Variants in PCDHA3 observed in about 807,000 individuals in gnomAD.
PCDHA3 encodes protocadherin alpha 3.
A neutral mutation model predicts 62.2 loss-of-function variants in PCDHA3; 41 were observed. The ratio of observed to expected loss-of-function variants is 0.66; its 90% CI spans 0.51 to 0.86. The LOEUF is 0.86. Among genes scored for constraint, PCDHA3 ranks in the 40% least tolerant of loss-of-function variants. The probability of loss-of-function intolerance (pLI) is 0.00; values close to 1 mark genes in which losing one functional copy is unlikely to be tolerated. For missense variants in PCDHA3, 1,304 were observed against 1,241.2 expected, an observed-to-expected ratio of 1.05 and a Z score of -0.76; for synonymous variants, 640 against 555.4, an observed-to-expected ratio of 1.15 and a Z score of -2.14.
At position 140,857,876 on chromosome 5, in the gene PCDHA3, T is replaced by C. The variant is rs2044975773; in HGVS notation, c.2394+54285T>C. ...ATACAACGCGTGGCTGTCGTATGAATTGCAGTCGGCGGCGGTTGGTGCACG... is the reference window on the plus strand; with the variant it reads ...ATACAACGCGTGGCTGTCGTATGAACTGCAGTCGGCGGCGGTTGGTGCACG... On this transcript the variant is annotated intron_variant, in intron 1 of 3. Coordinates refer to ENST00000522353, the MANE Select transcript of PCDHA3 (RefSeq NM_018906.3). 3.1e-6 allele frequency: 5 copies of C among 1,597,774 alleles called. 1 individual carries two copies. Among genetic ancestry groups the C allele is most frequent in the East Asian group, 2.2e-5 (1 of 44,820 alleles).
intron 1 of PCDHA3, among the ~76,000 whole-genome samples, chr5:140,945,624 C>T (rs1248945489): frequency 6.6e-6 from 1 of 152,028 alleles, no homozygotes; most frequent in African/African-American, 2.4e-5. Flanking sequence ...ATGGTACTGG[C>T]ATAAAAGACA....
chr5:140,882,539 G>C (rs1303287274), intron 1 of PCDHA3: 2 of 1,614,110 alleles, frequency 1.2e-6, no homozygotes. Context: ...TTCTCGGATC[G>C]ACCGCGAGGA....
chr5:140,850,259 C>G lies in PCDHA3; in HGVS notation c.2394+46668C>G, dbSNP rs2150476080. The stretch of plus-strand genomic sequence containing the variant: ...TGGTGCTGCGGTCGGTGGGCGCCGG[C>G]GTAGTGGTGGGGAAGGTGCGCGCAG... On this transcript the variant is annotated intron_variant, in intron 1 of 3. Transcript: ENST00000522353. 10 of 1,593,780 alleles carry G rather than the reference C, an allele frequency of 6.3e-6. 1 individual carries two copies. Among genetic ancestry groups the G allele is most frequent in the African/African-American group, 2.7e-5 (2 of 74,102 alleles).
chr5:140,830,272 C>T (rs2150183943), intron 1 of PCDHA3: 3 of 1,613,840 alleles, frequency 1.9e-6, no homozygotes, highest in African/African-American at 2.7e-5. Flanking sequence ...CGGCGCCACC[C>T]ACCGAGGGCG....
intron 1 of PCDHA3, among the ~76,000 whole-genome samples, chr5:140,838,089 T>G (rs1418087315): frequency 1.6e-5 from 2 of 121,978 alleles, no homozygotes; most frequent in African/African-American, 6.2e-5. Context: ...TGTGTGTGTG[T>G]GTGTGTGTGT....
intron 1 of PCDHA3, among the ~76,000 whole-genome samples, chr5:140,978,440 T>G (rs1238163577): frequency 2.0e-5 from 3 of 152,244 alleles, no homozygotes; most frequent in African/African-American, 7.2e-5. Context: ...GCTGGTGTTA[T>G]GACTGGGCAC....
At chr5:140,890,374 A>G (rs1045149611) in intron 1 of PCDHA3, among the ~76,000 whole-genome samples, 1 of 152,000 alleles carries the variant, frequency 6.6e-6, no homozygotes, top group South Asian at 2.1e-4. Context: ...CTGAACAAGT[A>G]CTCTTTCTTA....
chr5:140,954,091 A>G (rs1055518318), intron 1 of PCDHA3, among the ~76,000 whole-genome samples: 1 of 152,204 alleles, frequency 6.6e-6, no homozygotes, highest in African/African-American at 2.4e-5. Flanking sequence ...AGCTCCATCC[A>G]TGTCCCTGCA....
At chr5:140,838,935 T>TAATAA (rs1186571610) in intron 1 of PCDHA3, among the ~76,000 whole-genome samples, 8 of 151,738 alleles carry the variant, frequency 5.3e-5, no homozygotes, top group South Asian at 4.2e-4. Context: ...TAAAATGAAA[T>TAATAA]AATAAAATAA....
intron 1 of PCDHA3, among the ~76,000 whole-genome samples, chr5:140,845,707 A>G (rs2150380649): frequency 6.7e-6 from 1 of 149,734 alleles, no homozygotes; most frequent in African/African-American, 2.4e-5. Context: ...TTGGCATTAT[A>G]TGTATGCATG....
At chr5:140,842,322 G>C (rs1349163820) in intron 1 of PCDHA3, 7 of 1,607,496 alleles carry the variant, frequency 4.4e-6, no homozygotes, top group Admixed American at 3.3e-5. Flanking sequence ...GCGGGTCATT[G>C]CACCGTTTTA....
intron 1 of PCDHA3, among the ~76,000 whole-genome samples, chr5:140,930,708 C>T (rs1554208021): frequency 2.0e-5 from 3 of 152,088 alleles, no homozygotes; most frequent in Admixed American, 2.0e-4. Flanking sequence ...AGTTATTCTT[C>T]CTCAAGTAAT....
intron 1 of PCDHA3, among the ~76,000 whole-genome samples, chr5:140,918,467 C>T (rs2078709178): frequency 6.6e-6 from 1 of 152,006 alleles, no homozygotes; most frequent in Non-Finnish European, 1.5e-5. Context: ...TGTCTTATTC[C>T]AAGTCTCAAG....
At chr5:140,994,785 A>G (rs942763350) in intron 3 of PCDHA3, among the ~76,000 whole-genome samples, 2 of 152,168 alleles carry the variant, frequency 1.3e-5, no homozygotes, top group African/African-American at 4.8e-5. Flanking sequence ...AAAGGAAACA[A>G]TGCGTGCATG....
rs2150368391 is a variant in PCDHA3 at position 140,844,038 on chromosome 5, G to A, written c.2394+40447G>A. On this transcript the variant is annotated intron_variant, in intron 1 of 3. Transcript: ENST00000522353. ...CGTTCAGGGCATTTTGATCTTTGGT[G>A]AAAGTATTCCCCCAAAGCGTTTATT... 1.1e-4 allele frequency among the ~76,000 whole-genome samples: 17 copies of A among 149,594 alleles called. 2 individuals are homozygous for A. Among genetic ancestry groups the A allele is most frequent in the South Asian group, 2.1e-4 (1 of 4,726 alleles).
At chr5:140,999,426 A>G (rs1456581917) in intron 3 of PCDHA3, among the ~76,000 whole-genome samples, 2 of 152,204 alleles carry the variant, frequency 1.3e-5, no homozygotes, top group Middle Eastern at 3.2e-3. Context: ...TAAGAGGCCA[A>G]GTACCTTGCC....
At chr5:140,832,340 G>T (rs2150201175) in intron 1 of PCDHA3, among the ~76,000 whole-genome samples, 2 of 152,234 alleles carry the variant, frequency 1.3e-5, no homozygotes, top group African/African-American at 4.8e-5. Flanking sequence ...ACTGAGTTGT[G>T]GTTTGTGTTT....
intron 1 of PCDHA3, chr5:140,808,333 T>C (rs782408081): frequency 1.2e-6 from 2 of 1,614,240 alleles, no homozygotes; most frequent in East Asian, 4.5e-5. Flanking sequence ...TGGGTGTCAA[T>C]GGGCTGGTCA....
At chr5:140,949,783 G>A (rs1181020228) in intron 1 of PCDHA3, among the ~76,000 whole-genome samples, 1 of 151,784 alleles carries the variant, frequency 6.6e-6, no homozygotes, top group Non-Finnish European at 1.5e-5. Context: ...GATATGTTTA[G>A]ATTTGTGTCC....
Sources: gnomAD v4.1 joint callset for allele counts (sites outside exome capture counted in the v4.1 genomes callset) on GRCh38, gnomAD v4.1.1 for gene constraint, MANE v1.5 for transcripts, NCBI Gene and HGNC (gene_info 2026-07-23, HGNC 2026-07-21) for gene names.